Variants in PRMT1 observed in about 807,000 individuals in gnomAD.
PRMT1 encodes protein arginine N-methyltransferase 1.
A neutral mutation model predicts 47.4 loss-of-function variants in PRMT1; 5 were observed. The ratio of observed to expected loss-of-function variants is 0.11; its 90% CI spans 0.06 to 0.22. PRMT1 has a LOEUF of 0.22. Ranked by LOEUF, PRMT1 falls within the 10% of genes least tolerant of loss-of-function variation. PRMT1 has a pLI of 1.00. For synonymous variants in PRMT1, 227 were observed against 204.6 expected (o/e 1.11, Z -0.94); for missense variants, 249 against 518.4 (o/e 0.48, Z 5.05).
At chr19:49,679,751 T>C (rs2082087818) in intron 1 of PRMT1, 121 bp from the exon 2 acceptor site, 5 of 645,620 alleles carry the variant, frequency 7.7e-6, no homozygotes, top group Non-Finnish European at 8.4e-6. Flanking sequence ...TCGCCACCAC[T>C]CCCCACCAAG....
At chr19:49,679,551 C>T (rs770479984) in intron 1 of PRMT1, 5 of 639,700 alleles carry the variant, frequency 7.8e-6, no homozygotes, top group Non-Finnish European at 1.5e-5. Context: ...GGAGCGACAG[C>T]TGGCGGTGGT....
chr19:49,678,222 T>C (rs2082065766), intron 1 of PRMT1: 1 of 152,184 alleles, frequency 6.6e-6, no homozygotes, highest in South Asian at 2.1e-4. Flanking sequence ...ATATGTAGGC[T>C]GAGAGCTTTA....
Position 49,684,123 on chromosome 19 carries a change from G to C in PRMT1, c.555+54G>C, listed in dbSNP as rs2082167903. The C allele has an allele frequency of 6.2e-7, 1 of 1,604,074 alleles. No homozygotes were observed. Among genetic ancestry groups the C allele is most frequent in the South Asian group, 1.1e-5 (1 of 90,560 alleles). ...CGCGTGGGCTGGGGTCCAGGTAGAA[G>C]ACGAAAACCACGCTCAATTTTTCCC... On this transcript the variant is annotated intron_variant, in intron 6 of 10. Transcript: ENST00000454376. This position sits in a 1 kb window ranked among gnomAD's most constrained non-coding sequence, Gnocchi z 6.2.
In PRMT1 at chr19:49,685,604, G is replaced by A; in HGVS notation, c.760-489G>A. On this transcript the variant is annotated intron_variant, in intron 8 of 10. Transcript: ENST00000454376. The surrounding 1 kb of genome is among the most constrained non-coding windows in gnomAD (Gnocchi z 4.7). ...AGCTGGGATGTGTGAGCCGGGTGAAGCTGGGTGGCTGACCGGGGGATCCTG... is the reference window on the plus strand; with the variant it reads ...AGCTGGGATGTGTGAGCCGGGTGAAACTGGGTGGCTGACCGGGGGATCCTG... The A allele has an allele frequency of 2.9e-6, 3 of 1,017,346 alleles. No individual in the cohort carries two copies. Among genetic ancestry groups the A allele is most frequent in the Non-Finnish European group, 3.5e-6 (3 of 849,488 alleles). 63.0% of individuals were successfully genotyped at this position (1,017,346 alleles called of 1,614,324 possible). A position where few individuals can be genotyped will look rare whatever the true frequency, so the allele number is the denominator to read the frequency against.
At chr19:49,677,011 T>G, upstream of PRMT1, 1 of 383,348 alleles carries the variant, frequency 2.6e-6, no homozygotes, top group East Asian at 3.7e-5. Flanking sequence ...TCGCGCTTCT[T>G]GCAATAGACG....
intron 5 of PRMT1, among the ~76,000 whole-genome samples, chr19:49,683,238 GA>G (rs2082147128): frequency 6.6e-6 from 1 of 151,922 alleles, no homozygotes; most frequent in Admixed American, 6.6e-5. Context: ...TTTAAAAAGA[GA>G]TTATTATAAT....
chr19:49,683,801 G>C (rs1227509204), intron 5 of PRMT1, 126 bp from the exon 6 acceptor site: 1 of 1,088,046 alleles, frequency 9.2e-7, no homozygotes, highest in Non-Finnish European at 1.3e-6. Flanking sequence ...TGTTAGAAGG[G>C]TTCATGGCTT....
intron 1 of PRMT1, 89 bp downstream of exon 1, chr19:49,677,405 G>A (rs984344533): frequency 8.3e-7 from 1 of 1,209,894 alleles, no homozygotes; most frequent in East Asian, 2.9e-5. Context: ...CTAAGTTGGC[G>A]ATATGGGGTT....
chr19:49,677,270 T>C, upstream of PRMT1: 1 of 1,417,402 alleles, frequency 7.1e-7, no homozygotes, highest in Non-Finnish European at 9.2e-7. Context: ...GAGGAGTAGG[T>C]GCGGGTGAAG....
rs747910102 is a variant in PRMT1, at chr19:49,686,745, G to A, written c.1032+19G>A. On this transcript the variant is annotated intron_variant, in intron 10 of 10. Coordinates refer to ENST00000454376, the MANE Select transcript of PRMT1 (RefSeq NM_001536.6). ...GAACAACGTGAGGCTCCGGGCAGCT[G>A]GGTGGGAGGGTGGCAGCTAGGGCGG... 3 of 1,605,386 alleles carry A rather than the reference G, an allele frequency of 1.9e-6. No homozygotes were observed. The highest frequency in any genetic ancestry group is 2.2e-5 in the South Asian group (2 of 90,622).
At chr19:49,678,058 A>G (rs1465801776) in intron 1 of PRMT1, among the ~76,000 whole-genome samples, 1 of 151,756 alleles carries the variant, frequency 6.6e-6, no homozygotes, top group African/African-American at 2.4e-5. Flanking sequence ...AGATTTTCCC[A>G]TTAATAGGCG....
chr19:49,687,681 C>T lies in PRMT1; in HGVS notation c.1033-481C>T, dbSNP rs898733317. Among the ~76,000 whole-genome samples the T allele has an allele frequency of 8.5e-5, 13 of 152,250 alleles. 1 individual carries two copies. The South Asian group carries it at 1.0e-3, about 12-fold the overall frequency. ...TCATGCAGCCCCCGGGACCACGGCACTAGCTGGGAAACGGATACTGGAGAG... is the reference window on the plus strand; with the variant it reads ...TCATGCAGCCCCCGGGACCACGGCATTAGCTGGGAAACGGATACTGGAGAG... On this transcript the variant is annotated intron_variant, in intron 10 of 10. Coordinates refer to ENST00000454376, the MANE Select transcript of PRMT1 (RefSeq NM_001536.6).
Position 49,684,616 on chromosome 19 carries a change from TAG to T in PRMT1, c.556-136_556-135del. On this transcript the variant is annotated intron_variant, in intron 6 of 10. Coordinates refer to ENST00000454376, the MANE Select transcript of PRMT1 (RefSeq NM_001536.6). The surrounding 1 kb of genome is among the most constrained non-coding windows in gnomAD (Gnocchi z 6.2). Reference sequence around the variant, plus strand: ...TGCCCTCTGGCGGCCGTGTGGGAAATAGACCAGGGGGCGAGGGGTGAGTGCCG... The same window carrying T: ...TGCCCTCTGGCGGCCGTGTGGGAAATACCAGGGGGCGAGGGGTGAGTGCCG... The T allele has an allele frequency of 9.8e-7, 1 of 1,024,006 alleles. No homozygotes were observed. The highest frequency in any genetic ancestry group is 1.4e-6 in the Non-Finnish European group (1 of 701,910). 63.4% of individuals were successfully genotyped at this position (1,024,006 alleles called of 1,614,324 possible).
upstream of PRMT1, among the ~76,000 whole-genome samples, chr19:49,676,910 G>T (rs2082043736): frequency 2.0e-5 from 3 of 152,150 alleles, no homozygotes. Context: ...GTTTCAAGAC[G>T]CCCCTTTAGC....
In PRMT1 at chr19:49,680,626, G is replaced by A; in HGVS notation, c.192+38G>A. On this transcript the variant is annotated intron_variant, in intron 3 of 10. Transcript: ENST00000454376. The surrounding 1 kb of genome is among the most constrained non-coding windows in gnomAD (Gnocchi z 4.2). ...AGTCCCCAAGGCCCCAATCTTAGGG[G>A]GGCTTAAATGTTGGGGAAGGGGTGG... 1 of 1,499,204 alleles carries A rather than the reference G, an allele frequency of 6.7e-7. No homozygotes were observed. Among genetic ancestry groups the A allele is most frequent in the Non-Finnish European group, 9.3e-7 (1 of 1,076,366 alleles). 92.9% of individuals were successfully genotyped at this position (1,499,204 alleles called of 1,614,324 possible). A position where few individuals can be genotyped will look rare whatever the true frequency, so the allele number is the denominator to read the frequency against.
upstream of PRMT1, chr19:49,677,239 G>C (rs750410433): frequency 1.5e-4 from 219 of 1,414,016 alleles, 5 homozygotes; most frequent in Admixed American, 5.7e-3. Flanking sequence ...GAGGAGAAAG[G>C]GGGGGTCTTG....
At position 49,686,231 on chromosome 19, in the gene PRMT1, G is replaced by A. The variant is rs746207559; in HGVS notation, c.898G>A (p.Gly300Ser). Reference protein sequence around the residue: ...IEFTRCHKRTGFSTSPESPYT... With the variant: ...IEFTRCHKRTSFSTSPESPYT... ...GTTCACACGCTGCCACAAGAGGACC[G>A]GCTTCTCCACCAGTGAGGCGGGGCC... Residue 300 changes from glycine to serine, a missense_variant, in exon 9 of 11, where the codon GGC (glycine) becomes AGC (serine). By Grantham distance (56) the Gly-to-Ser change is moderately conservative. This residue lies in a region of PRMT1 where 190 missense variants were observed against 456.7 expected (regional missense o/e 0.42). Transcript: ENST00000454376. The A allele has an allele frequency of 1.9e-6, 3 of 1,603,742 alleles. No homozygotes were observed. The highest frequency in any genetic ancestry group is 1.7e-5 in the Admixed American group (1 of 58,440).
chr19:49,680,281 T>C lies in PRMT1; in HGVS notation c.91-206T>C, dbSNP rs2082097406. ...ATCGGGGTGCTCCCCTGGATGGTGC[T>C]CTGGGGGGGTCCTGGAAGTGGAAAA... On this transcript the variant is annotated intron_variant, in intron 2 of 10. Coordinates refer to ENST00000454376, the MANE Select transcript of PRMT1 (RefSeq NM_001536.6). The surrounding 1 kb of genome is among the most constrained non-coding windows in gnomAD (Gnocchi z 4.2). The C allele has an allele frequency of 1.4e-6, 2 of 1,472,002 alleles. No individual in the cohort carries two copies. The allele number at this position is 1,472,002 out of a possible 1,614,324, so 91.2% of individuals were successfully genotyped here. A position where few individuals can be genotyped will look rare whatever the true frequency, so the allele number is the denominator to read the frequency against.
In PRMT1 at chr19:49,685,516, TTG is replaced by T; in HGVS notation, c.759+481_759+482del. ...CAATGTTTTGTTTTGTTTTTTCCTTTTGTTTTTTTTTACTTCTGAGACCCTGT... is the reference window on the plus strand; with the variant it reads ...CAATGTTTTGTTTTGTTTTTTCCTTTTTTTTTTTTACTTCTGAGACCCTGT... On this transcript the variant is annotated intron_variant, in intron 8 of 10. Transcript: ENST00000454376. The surrounding 1 kb of genome is among the most constrained non-coding windows in gnomAD (Gnocchi z 4.7). 2 of 1,020,940 alleles carry T rather than the reference TTG, an allele frequency of 2.0e-6. No individual in the cohort carries two copies. Among genetic ancestry groups the T allele is most frequent in the Non-Finnish European group, 2.3e-6 (2 of 851,248 alleles). The allele number at this position is 1,020,940 out of a possible 1,614,324, so 63.2% of individuals were successfully genotyped here. A position where few individuals can be genotyped will look rare whatever the true frequency, so the allele number is the denominator to read the frequency against.
Sources: allele counts gnomAD v4.1 joint callset (sites outside exome capture counted in the v4.1 genomes callset), GRCh38; gene constraint gnomAD v4.1.1; regional missense constraint gnomAD v4.1.1; non-coding constraint Gnocchi (gnomAD v3.1); transcripts MANE v1.5; gene names NCBI Gene and HGNC (gene_info 2026-07-23, HGNC 2026-07-21).